Variants in VPS8 observed in about 807,000 individuals in gnomAD.
VPS8 encodes the protein vacuolar protein sorting-associated protein 8 homolog.
VPS8 carries 129 observed loss-of-function variants against 216.4 expected under a neutral mutation model. The ratio of observed to expected loss-of-function variants is 0.60; its 90% CI spans 0.52 to 0.69. The LOEUF (loss-of-function observed/expected upper bound fraction) is 0.69, where lower values mean the gene tolerates loss of function less well. Among genes scored for constraint, VPS8 ranks in the 30% least tolerant of loss-of-function variants. VPS8 has a pLI of 0.00. For synonymous variants in VPS8, 571 were observed against 565.4 expected, an observed-to-expected ratio of 1.01 and a Z score of -0.14; for missense variants, 1,531 against 1,683.5, an observed-to-expected ratio of 0.91 and a Z score of 1.59.
At chr3:184,814,688 T>G (rs866874053) in intron 1 of VPS8, among the ~76,000 whole-genome samples, 1 of 152,222 alleles carries the variant, frequency 6.6e-6, no homozygotes, top group Non-Finnish European at 1.5e-5. Context: ...GACTGGAAGT[T>G]GCTGTGGGTG....
At chr3:184,911,565 G>A (rs2109058949) in intron 25 of VPS8, among the ~76,000 whole-genome samples, 1 of 152,348 alleles carries the variant, frequency 6.6e-6, no homozygotes, top group South Asian at 2.1e-4. Context: ...AGAGGGAAAA[G>A]AGGAACAGTT....
chr3:184,864,185 A>T (rs1726915361), intron 16 of VPS8, among the ~76,000 whole-genome samples: 1 of 152,078 alleles, frequency 6.6e-6, no homozygotes, highest in Non-Finnish European at 1.5e-5. Flanking sequence ...AGAAAAGTAA[A>T]CAGCAGTTCT....
chr3:184,966,956 C>T (rs1747517179), intron 39 of VPS8, among the ~76,000 whole-genome samples: 2 of 145,504 alleles, frequency 1.4e-5, no homozygotes. Flanking sequence ...GAAAATTATG[C>T]ACTGTTTGTT....
chr3:184,874,614 A>G (rs750014922), intron 21 of VPS8, among the ~76,000 whole-genome samples: 2 of 152,184 alleles, frequency 1.3e-5, no homozygotes, highest in Admixed American at 6.6e-5. Context: ...CTAGGTGGAC[A>G]GGGTTTTAGT....
At chr3:184,942,416 G>A (rs1576923478) in intron 36 of VPS8, among the ~76,000 whole-genome samples, 1 of 152,074 alleles carries the variant, frequency 6.6e-6, no homozygotes, top group Admixed American at 6.6e-5. Flanking sequence ...CAGGCGCAAG[G>A]TCCTTTCTTA....
chr3:184,953,365 G>T (rs1328582682), intron 36 of VPS8, among the ~76,000 whole-genome samples: 1 of 152,196 alleles, frequency 6.6e-6, no homozygotes, highest in Non-Finnish European at 1.5e-5. Flanking sequence ...GGGATATCTT[G>T]AAGTGGGGGT....
chr3:184,873,807 C>G (rs1728770780), intron 21 of VPS8, among the ~76,000 whole-genome samples: 1 of 152,124 alleles, frequency 6.6e-6, no homozygotes, highest in African/African-American at 2.4e-5. Flanking sequence ...AATTATAACC[C>G]ATGATACTGT....
chr3:185,005,465 G>A (rs1445552527), intron 45 of VPS8, among the ~76,000 whole-genome samples: 3 of 152,094 alleles, frequency 2.0e-5, no homozygotes, highest in African/African-American at 4.8e-5. Context: ...GCTTTTGGCA[G>A]TATGGTCATT....
At position 184,906,431 on chromosome 3, in the gene VPS8, T is replaced by C. The variant is rs552233731; in HGVS notation, c.2146+5459T>C. 3.3e-5 allele frequency among the ~76,000 whole-genome samples: 5 copies of C among 152,320 alleles called. No homozygotes were observed. The East Asian group carries it at 7.7e-4, about 24-fold the overall frequency. On this transcript the variant is annotated intron_variant, in intron 25 of 47. Coordinates refer to ENST00000625842, the MANE Select transcript of VPS8 (RefSeq NM_001009921.3). ...TGTTGGATAGAGTGTTACATAGATATCCGTGTAGGGAAATTTAAGCTTTCC... is the reference window on the plus strand; with the variant it reads ...TGTTGGATAGAGTGTTACATAGATACCCGTGTAGGGAAATTTAAGCTTTCC...
intron 36 of VPS8, among the ~76,000 whole-genome samples, chr3:184,952,473 A>G (rs546288085): frequency 1.3e-5 from 2 of 152,320 alleles, no homozygotes; most frequent in Admixed American, 6.5e-5. Flanking sequence ...AAGAGTTGCA[A>G]CCTGCAAGGT....
chr3:184,860,972 C>G (rs1447098074), intron 15 of VPS8, among the ~76,000 whole-genome samples: 2 of 151,876 alleles, frequency 1.3e-5, no homozygotes, highest in Non-Finnish European at 2.9e-5. Flanking sequence ...CAGGTGCCCC[C>G]CCATCACGCC....
intron 16 of VPS8, among the ~76,000 whole-genome samples, chr3:184,863,607 C>T (rs1342427402): frequency 1.3e-5 from 2 of 152,198 alleles, no homozygotes; most frequent in South Asian, 2.1e-4. Flanking sequence ...AGAAGGAGGA[C>T]GCAACAAAGT....
At chr3:184,838,787 G>T in intron 6 of VPS8, 41 bp downstream of exon 6, 1 of 1,468,182 alleles carries the variant, frequency 6.8e-7, no homozygotes, top group South Asian at 1.3e-5. Context: ...TTTTCTATTT[G>T]ATTGGGTTTT....
At chr3:184,852,360 A>G in intron 10 of VPS8, 140 bp from the exon 11 acceptor site, 2 of 634,470 alleles carry the variant, frequency 3.2e-6, no homozygotes, top group Non-Finnish European at 5.3e-6. Context: ...GTTTAGAGTG[A>G]TGAGCACTGA....
intron 18 of VPS8, 82 bp downstream of exon 18, chr3:184,868,141 A>C: frequency 1.4e-6 from 2 of 1,417,820 alleles, no homozygotes; most frequent in Admixed American, 1.8e-5. Context: ...TCAGAAGAAG[A>C]TTATTTGGTA....
intron 21 of VPS8, among the ~76,000 whole-genome samples, chr3:184,885,733 T>C (rs1236068670): frequency 6.6e-6 from 1 of 152,222 alleles, no homozygotes; most frequent in African/African-American, 2.4e-5. Flanking sequence ...ATATATGTAG[T>C]GTTTTACTTA....
intron 17 of VPS8, 81 bp downstream of exon 17, chr3:184,867,031 A>G (rs1288223866): frequency 7.7e-7 from 1 of 1,298,612 alleles, no homozygotes; most frequent in African/African-American, 1.5e-5. Context: ...TAAAGAGGGC[A>G]GTATATTGCA....
At chr3:184,886,279 T>C (rs1731212809) in intron 22 of VPS8, 123 bp downstream of exon 22, 1 of 969,242 alleles carries the variant, frequency 1.0e-6, no homozygotes, top group African/African-American at 1.7e-5. Flanking sequence ...TTTATAGAAA[T>C]TTGATTCTTT....
chr3:184,861,363 C>G (rs1035905528), intron 15 of VPS8, among the ~76,000 whole-genome samples: 1 of 152,134 alleles, frequency 6.6e-6, no homozygotes. Context: ...GCTTTTTCCT[C>G]AACTTGATAA....
Sources: gnomAD v4.1 joint callset for allele counts (sites outside exome capture counted in the v4.1 genomes callset) on GRCh38, gnomAD v4.1.1 for gene constraint, MANE v1.5 for transcripts, NCBI Gene and HGNC (gene_info 2026-07-23, HGNC 2026-07-21) for gene names.